Variants in RAD51AP1 observed in about 807,000 individuals in gnomAD.
RAD51AP1 encodes RAD51-associated protein 1.
Under a neutral mutation model 34.3 loss-of-function variants are expected in RAD51AP1, and 14 were observed. The ratio of observed to expected loss-of-function variants is 0.41; its 90% CI spans 0.27 to 0.64. The LOEUF (loss-of-function observed/expected upper bound fraction) is 0.64, where lower values mean the gene tolerates loss of function less well. Ranked by LOEUF, RAD51AP1 falls within the 30% of genes least tolerant of loss-of-function variation. RAD51AP1 has a pLI of 0.33. For synonymous variants in RAD51AP1, 114 were observed against 129.8 expected (o/e 0.88, Z 0.83); for missense variants, 348 against 386.9 (o/e 0.90, Z 0.84).
intron 3 of RAD51AP1, chr12:4,545,862 T>C (rs1358636001): frequency 6.3e-7 from 1 of 1,597,876 alleles, no homozygotes; most frequent in Non-Finnish European, 8.5e-7. Context: ...TTTGTTAAAG[T>C]CTGGATTGGG....
At chr12:4,542,006 G>A (rs1944470167) in intron 2 of RAD51AP1, 73 bp downstream of exon 2, 6 of 979,168 alleles carry the variant, frequency 6.1e-6, no homozygotes, top group Non-Finnish European at 8.8e-6. Flanking sequence ...GACATATATA[G>A]CTCAAACACT....
intron 7 of RAD51AP1, among the ~76,000 whole-genome samples, chr12:4,554,981 T>A (rs1944572178): frequency 6.6e-6 from 1 of 152,190 alleles, no homozygotes; most frequent in Admixed American, 6.5e-5. Context: ...GGCTACCATA[T>A]TGGACAGCAC....
intron 3 of RAD51AP1, chr12:4,545,665 T>A: frequency 2.0e-6 from 2 of 988,578 alleles, no homozygotes; most frequent in Non-Finnish European, 3.0e-6. Context: ...CTTTGACGTT[T>A]TCTTCCTCTT....
intron 1 of RAD51AP1, 66 bp downstream of exon 1, chr12:4,539,022 G>C: frequency 6.4e-7 from 1 of 1,565,420 alleles, no homozygotes; most frequent in Non-Finnish European, 8.8e-7. Flanking sequence ...GAGACTAAGG[G>C]GAAAGGATCG....
chr12:4,556,615 C>G (rs954105723), intron 8 of RAD51AP1, 113 bp downstream of exon 8: 2 of 1,258,072 alleles, frequency 1.6e-6, no homozygotes, highest in Non-Finnish European at 2.2e-6. Flanking sequence ...ACATATTCTT[C>G]AAAACCAAAG....
Position 4,538,924 on chromosome 12 carries a change from A to G in RAD51AP1, c.-16A>G. 1 of 1,614,074 alleles carries G rather than the reference A, an allele frequency of 6.2e-7. No individual in the cohort carries two copies. Among genetic ancestry groups the G allele is most frequent in the South Asian group, 1.1e-5 (1 of 91,076 alleles). Reference sequence around the variant, plus strand: ...AAGAATTTGAGAACTGTAAATACCAAGCCTTGAAAGGGACCATGGTGCGGC... The same window carrying G: ...AAGAATTTGAGAACTGTAAATACCAGGCCTTGAAAGGGACCATGGTGCGGC... On this transcript the variant is annotated 5_prime_UTR_variant, in exon 1 of 9. Coordinates refer to ENST00000352618, the MANE Select transcript of RAD51AP1 (RefSeq NM_006479.5).
intron 4 of RAD51AP1, among the ~76,000 whole-genome samples, chr12:4,547,679 A>T (rs898743219): frequency 6.6e-6 from 1 of 152,220 alleles, no homozygotes; most frequent in African/African-American, 2.4e-5. Context: ...TAACGTTAGT[A>T]AAAGCATGGA....
In RAD51AP1 at chr12:4,548,688, T is replaced by C. The variant is rs763949301; in HGVS notation, c.408T>C (p.Asp136=). The part of the protein sequence containing the change: ...SNCSVASDYL[D]LDKITVEDDV... ...TTGATTTTTATGCCTCTCCTGAAGA[T>C]TTGGATAAGATTACTGTGGAAGATG... is the stretch of plus-strand genomic sequence containing the variant. Residue 136 remains aspartate (D), a splice_region_variant and synonymous_variant, in exon 6 of 9, where the codon GAT becomes GAC. Transcript: ENST00000352618. 1 of 1,610,802 alleles carries C rather than the reference T, an allele frequency of 6.2e-7. No individual in the cohort carries two copies. Among genetic ancestry groups the C allele is most frequent in the Non-Finnish European group, 8.5e-7 (1 of 1,179,084 alleles).
rs767205093 is a variant in RAD51AP1, at chr12:4,552,976, G to C, written c.557-7G>C. ...GCAAAGATGAACTATATAATCTTCT[G>C]TTTTAGGTGAAGATTCTGAGGATGA... On this transcript the variant is annotated splice_region_variant and splice_polypyrimidine_tract_variant and intron_variant, in intron 6 of 8. Transcript: ENST00000352618. 34 of 1,571,550 alleles carry C rather than the reference G, an allele frequency of 2.2e-5. No individual in the cohort carries two copies. The highest frequency in any genetic ancestry group is 2.8e-5 in the Non-Finnish European group (33 of 1,165,492).
At chr12:4,543,739 T>C in intron 2 of RAD51AP1, 24 bp from the exon 3 acceptor site, 1 of 1,491,708 alleles carries the variant, frequency 6.7e-7, no homozygotes, top group South Asian at 1.3e-5. Context: ...ATTTTTCTTT[T>C]GGTTTTAATT....
Position 4,553,159 on chromosome 12 carries a change from C to A in RAD51AP1, c.721+12C>A, listed in dbSNP as rs763198214. 1 of 1,510,510 alleles carries A rather than the reference C, an allele frequency of 6.6e-7. No individual in the cohort carries two copies. The highest frequency in any genetic ancestry group is 2.4e-5 in the Admixed American group (1 of 42,444). 93.6% of individuals were successfully genotyped at this position (1,510,510 alleles called of 1,614,324 possible). ...ATGTAATGCTTTGGGTAAGCTTGGT[C>A]CAAAACACTTAATTTTATAAAGGAA... On this transcript the variant is annotated intron_variant, in intron 7 of 8. Transcript: ENST00000352618.
chr12:4,551,684 C>A (rs1338145081), intron 6 of RAD51AP1, among the ~76,000 whole-genome samples: 1 of 152,072 alleles, frequency 6.6e-6, no homozygotes, highest in South Asian at 2.1e-4. Context: ...GAAGATGATA[C>A]CAAGAAACTA....
At chr12:4,544,601 TTTTG>T (rs1944492823) in intron 3 of RAD51AP1, among the ~76,000 whole-genome samples, 1 of 152,204 alleles carries the variant, frequency 6.6e-6, no homozygotes, top group Admixed American at 6.5e-5. Context: ...TTTTTTTGGT[TTTTG>T]TTTGTGAGTT....
At chr12:4,545,960 G>A (rs1055040961) in intron 3 of RAD51AP1, 1 of 1,117,776 alleles carries the variant, frequency 8.9e-7, no homozygotes, top group African/African-American at 1.6e-5. Context: ...GGTCAAGGAA[G>A]AGTTTTAAGT....
rs1265139318 is a variant in RAD51AP1, at chr12:4,543,812, A to T, written c.117A>T (p.Ala39=). 3.7e-6 allele frequency: 6 copies of T among 1,612,632 alleles called. No individual in the cohort carries two copies. Among genetic ancestry groups the T allele is most frequent in the Non-Finnish European group, 4.2e-6 (5 of 1,178,996 alleles). The part of the protein sequence containing the change: ...TVPLNKKSRT[A]PKELKQDKPK... Reference sequence around the variant, plus strand: ...CTTTAAACAAGAAATCCAGAACAGCACCAAAGGAGTTAAAACAAGATAAAC... The same window carrying T: ...CTTTAAACAAGAAATCCAGAACAGCTCCAAAGGAGTTAAAACAAGATAAAC... The change falls in exon 3 of 9, where the codon GCA becomes GCT. Residue 39 remains alanine, a synonymous_variant. Transcript: ENST00000352618.
Position 4,550,216 on chromosome 12 carries a change from C to T in RAD51AP1, c.556+1380C>T, listed in dbSNP as rs372772214. On this transcript the variant is annotated intron_variant, in intron 6 of 8. Coordinates refer to ENST00000352618, the MANE Select transcript of RAD51AP1 (RefSeq NM_006479.5). ...TTAAATTGCTTTCTCAATTGACTGA[C>T]GAAGATTAGTTGGACCCCATTTCTG... Among the ~76,000 whole-genome samples, 5 of 152,256 alleles carry T rather than the reference C, an allele frequency of 3.3e-5. No individual in the cohort carries two copies. The South Asian group carries it at 8.3e-4, about 25-fold the overall frequency.
intron 7 of RAD51AP1, among the ~76,000 whole-genome samples, chr12:4,553,964 G>T (rs1944565014): frequency 6.6e-6 from 1 of 152,068 alleles, no homozygotes; most frequent in South Asian, 2.1e-4. Context: ...TACTTACTAA[G>T]AATTAAATGA....
In RAD51AP1 at chr12:4,538,925, G is replaced by C. The variant is rs74061948; in HGVS notation, c.-15G>C. ...AGAATTTGAGAACTGTAAATACCAA[G>C]CCTTGAAAGGGACCATGGTGCGGCC... On this transcript the variant is annotated 5_prime_UTR_variant, in exon 1 of 9. Coordinates refer to ENST00000352618, the MANE Select transcript of RAD51AP1 (RefSeq NM_006479.5). 1 of 1,614,080 alleles carries C rather than the reference G, an allele frequency of 6.2e-7. No homozygotes were observed. Among genetic ancestry groups the C allele is most frequent in the Admixed American group, 1.7e-5 (1 of 60,034 alleles).
chr12:4,554,258 A>G (rs1042857706), intron 7 of RAD51AP1, among the ~76,000 whole-genome samples: 16 of 152,196 alleles, frequency 1.1e-4, no homozygotes, highest in African/African-American at 3.4e-4. Flanking sequence ...GAGCAATGGC[A>G]GGGACTTTCT....
Sources: allele counts gnomAD v4.1 joint callset (sites outside exome capture counted in the v4.1 genomes callset), GRCh38; gene constraint gnomAD v4.1.1; transcripts MANE v1.5; gene names NCBI Gene and HGNC (gene_info 2026-07-23, HGNC 2026-07-21).